The following LMNTD1 variants were observed in gnomAD, a reference collection of about 807,000 sequenced individuals.
The protein encoded by LMNTD1 is lamin tail domain-containing protein 1.
Under a neutral mutation model 50.9 loss-of-function variants are expected in LMNTD1, and 35 were observed. That is an observed-to-expected ratio of 0.69 (90% CI 0.53 to 0.91). The LOEUF (loss-of-function observed/expected upper bound fraction) is 0.91, where lower values mean the gene tolerates loss of function less well. LMNTD1 is among the 40% of genes least tolerant of loss of function. The pLI, the probability that LMNTD1 is intolerant of heterozygous loss-of-function variation, is 0.00. For missense variants in LMNTD1, 470 were observed against 475.5 expected (o/e 0.99, Z 0.11); for synonymous variants, 153 against 161.9 (o/e 0.94, Z 0.42).
At chr12:25,622,292 A>G (rs1946486692) in intron 1 of LMNTD1, among the ~76,000 whole-genome samples, 1 of 152,154 alleles carries the variant, frequency 6.6e-6, no homozygotes, top group Non-Finnish European at 1.5e-5. Flanking sequence ...GAAAATCCAA[A>G]CACCCTCAGG....
chr12:25,596,202 G>T (rs1945842368), intron 1 of LMNTD1, among the ~76,000 whole-genome samples: 1 of 151,876 alleles, frequency 6.6e-6, no homozygotes, highest in African/African-American at 2.4e-5. Flanking sequence ...AGAAAAAGAG[G>T]GAATCCTCCC....
At chr12:25,571,464 C>T (rs925922633) in intron 1 of LMNTD1, among the ~76,000 whole-genome samples, 9 of 149,964 alleles carry the variant, frequency 6.0e-5, no homozygotes, top group South Asian at 4.2e-4. Context: ...CCCAGGTCCA[C>T]GCCATTCTCC....
intron 9 of LMNTD1, among the ~76,000 whole-genome samples, chr12:25,489,075 C>T (rs1460422106): frequency 6.6e-6 from 1 of 152,082 alleles, no homozygotes; most frequent in Non-Finnish European, 1.5e-5. Context: ...TTACTGCTGT[C>T]TTTTTGTTTG....
intron 9 of LMNTD1, among the ~76,000 whole-genome samples, chr12:25,484,053 G>A (rs574596216): frequency 2.0e-4 from 30 of 151,902 alleles, no homozygotes; most frequent in East Asian, 5.8e-4. Flanking sequence ...TAAGTCACCC[G>A]GATAGTTAAC....
chr12:25,478,729 T>C (rs1050982613), intron 9 of LMNTD1, among the ~76,000 whole-genome samples: 12 of 152,086 alleles, frequency 7.9e-5, no homozygotes, highest in African/African-American at 2.9e-4. Flanking sequence ...GAGGTTGCAG[T>C]GAGCCGAGAC....
chr12:25,637,054 A>T (rs1019089117), intron 1 of LMNTD1, among the ~76,000 whole-genome samples: 1 of 152,174 alleles, frequency 6.6e-6, no homozygotes, highest in African/African-American at 2.4e-5. Flanking sequence ...TGCTTAGGTG[A>T]TGGGTGCACC....
chr12:25,544,355 AG>A (rs1316272101), intron 4 of LMNTD1, among the ~76,000 whole-genome samples: 1 of 60,096 alleles, frequency 1.7e-5, no homozygotes, highest in African/African-American at 4.1e-5. Flanking sequence ...ATTGATTTGT[AG>A]TCTATTTTAT....
chr12:25,527,668 A>ATATATATATATAT (rs1941862717), intron 4 of LMNTD1, among the ~76,000 whole-genome samples: 3 of 21,332 alleles, frequency 1.4e-4, no homozygotes, highest in African/African-American at 3.3e-4. Context: ...ATATATATAT[A>ATATATATATATAT]TATATATATA....
intron 9 of LMNTD1, among the ~76,000 whole-genome samples, chr12:25,481,177 C>T (rs1483922184): frequency 6.6e-6 from 1 of 152,114 alleles, no homozygotes; most frequent in Non-Finnish European, 1.5e-5. Context: ...CTTAGTGACA[C>T]CTTCCTTGTC....
chr12:25,619,159 T>C (rs1298277528), intron 1 of LMNTD1, among the ~76,000 whole-genome samples: 1 of 151,734 alleles, frequency 6.6e-6, no homozygotes, highest in Non-Finnish European at 1.5e-5. Context: ...TGTACAGGAG[T>C]TTCTCTAGAA....
At chr12:25,606,941 G>A (rs567712812) in intron 1 of LMNTD1, among the ~76,000 whole-genome samples, 3 of 152,124 alleles carry the variant, frequency 2.0e-5, no homozygotes, top group Admixed American at 6.5e-5. Flanking sequence ...GGTAGAATTC[G>A]GCTGTGAATC....
At chr12:25,571,371 A>ATTTAT (rs1944787753) in intron 1 of LMNTD1, among the ~76,000 whole-genome samples, 1 of 150,430 alleles carries the variant, frequency 6.6e-6, no homozygotes, top group African/African-American at 2.4e-5. Flanking sequence ...TTATTTATTT[A>ATTTAT]TTTATTTTTT....
In LMNTD1 at chr12:25,636,581, T is replaced by G. The variant is rs147758324; in HGVS notation, c.58+11913A>C. ...CTGTGGAAAACAGTGTGGAGATTCC[T>G]TAAGGAACTAAAAGGAGAAATACCA... On this transcript the variant is annotated intron_variant, in intron 1 of 7. Transcript: ENST00000445693. 4.0e-4 allele frequency among the ~76,000 whole-genome samples: 61 copies of G among 152,332 alleles called. No individual in the cohort carries two copies. The East Asian group carries it at 9.6e-3, about 24-fold the overall frequency.
intron 6 of LMNTD1, among the ~76,000 whole-genome samples, chr12:25,523,637 G>A (rs1466887800): frequency 6.6e-6 from 1 of 152,166 alleles, no homozygotes; most frequent in East Asian, 1.9e-4. Context: ...AATATCCAGT[G>A]CTATGAAAGT....
chr12:25,636,970 G>A lies in LMNTD1; in HGVS notation c.58+11524C>T, dbSNP rs190481766. Among the ~76,000 whole-genome samples, 96 of 149,368 alleles carry A rather than the reference G, an allele frequency of 6.4e-4. No homozygotes were observed. The East Asian group carries it at 0.015, about 23-fold the overall frequency. On this transcript the variant is annotated intron_variant, in intron 1 of 7. Coordinates refer to the LMNTD1 transcript ENST00000445693. The stretch of plus-strand genomic sequence containing the variant: ...ACAAAGGCATAAGAATGATACAATG[G>A]ACTTTGGGGACTTGGGGGGAAGAAT...
At chr12:25,587,443 C>T (rs567769269) in intron 1 of LMNTD1, among the ~76,000 whole-genome samples, 6 of 152,286 alleles carry the variant, frequency 3.9e-5, no homozygotes, top group South Asian at 2.1e-4. Flanking sequence ...CGTCATATGG[C>T]GAGAGCAGAA....
chr12:25,560,147 G>A (rs1944239259), intron 1 of LMNTD1, among the ~76,000 whole-genome samples: 1 of 152,186 alleles, frequency 6.6e-6, no homozygotes, highest in South Asian at 2.1e-4. Context: ...TATTGCCTAG[G>A]TTTTCTTCTA....
At chr12:25,480,479 C>T (rs189685825) in intron 9 of LMNTD1, among the ~76,000 whole-genome samples, 12 of 152,224 alleles carry the variant, frequency 7.9e-5, no homozygotes, top group South Asian at 2.1e-4. Context: ...GGATGCAAGG[C>T]GGCTCCTGAT....
In LMNTD1 at chr12:25,618,510, G is replaced by T. The variant is rs535352559; in HGVS notation, c.58+29984C>A. 5.3e-5 allele frequency among the ~76,000 whole-genome samples: 8 copies of T among 152,212 alleles called. No homozygotes were observed. In the South Asian group the frequency reaches 1.7e-3, roughly 32 times the overall value. On this transcript the variant is annotated intron_variant, in intron 1 of 7. Transcript: ENST00000445693. ...TCCTCAAAATGTAGATTGCTCTTTAGGTTGGAGCAACATGTTAAGACTCTA... is the reference window on the plus strand; with the variant it reads ...TCCTCAAAATGTAGATTGCTCTTTATGTTGGAGCAACATGTTAAGACTCTA...
Sources: gnomAD v4.1 joint callset for allele counts (sites outside exome capture counted in the v4.1 genomes callset) on GRCh38, gnomAD v4.1.1 for gene constraint, MANE v1.5 for transcripts, NCBI Gene and HGNC (gene_info 2026-07-23, HGNC 2026-07-21) for gene names.